Variants in DPP6 observed in about 807,000 individuals in gnomAD.
The protein encoded by DPP6 is A-type potassium channel modulatory protein DPP6.
DPP6 carries 69 observed loss-of-function variants against 122.6 expected under a neutral mutation model. The ratio of observed to expected loss-of-function variants is 0.56; its 90% CI spans 0.46 to 0.69. The LOEUF (loss-of-function observed/expected upper bound fraction) is 0.69, where lower values mean the gene tolerates loss of function less well. Ranked by LOEUF, DPP6 falls within the 30% of genes least tolerant of loss-of-function variation. The pLI, the probability that DPP6 is intolerant of heterozygous loss-of-function variation, is 0.00. For missense variants in DPP6, 928 were observed against 1,116.9 expected (o/e 0.83, Z 2.41); for synonymous variants, 418 against 433.1 (o/e 0.97, Z 0.43).
At chr7:154,427,264 T>C (rs1435706438) in intron 1 of DPP6, among the ~76,000 whole-genome samples, 1 of 152,238 alleles carries the variant, frequency 6.6e-6, no homozygotes, top group Non-Finnish European at 1.5e-5. Flanking sequence ...CAAAATAGTT[T>C]TGAAAAAGCT....
chr7:153,955,949 A>C (rs1157265818), intron 1 of DPP6, among the ~76,000 whole-genome samples: 1 of 152,182 alleles, frequency 6.6e-6, no homozygotes, highest in Non-Finnish European at 1.5e-5. Flanking sequence ...GGAGTGACAG[A>C]TGTGGCCCTT....
chr7:154,546,783 A>T (rs1829233312), intron 4 of DPP6, among the ~76,000 whole-genome samples: 1 of 152,236 alleles, frequency 6.6e-6, no homozygotes, highest in Admixed American at 6.5e-5. Context: ...AGAACAAATA[A>T]TAGGCCTGTT....
rs1554564239 is a variant in DPP6 at position 154,481,346 on chromosome 7, G to GGT, written c.457+6336_457+6337dup. On this transcript the variant is annotated intron_variant, in intron 3 of 25. Coordinates refer to ENST00000377770, the MANE Select transcript of DPP6 (RefSeq NM_130797.4). This position sits in a 1 kb window ranked among gnomAD's most constrained non-coding sequence, Gnocchi z 4.2. ...ATACACTTGGAGAGAGAGAGAGAGG[G>GGT]GTGTGTGTGTGTGTGTGTGTGTGTG... Among the ~76,000 whole-genome samples, 355 of 148,042 alleles carry GGT rather than the reference G, an allele frequency of 2.4e-3. 8 individuals carry two copies. The highest frequency in any genetic ancestry group is 0.023 in the Admixed American group (334 of 14,718).
chr7:154,883,373 A>G (rs1324934017), intron 21 of DPP6, among the ~76,000 whole-genome samples: 3 of 102,118 alleles, frequency 2.9e-5, no homozygotes, highest in African/African-American at 8.0e-5. Flanking sequence ...CACACACACG[A>G]TTACATACAC....
At chr7:154,786,102 T>G (rs1350356190) in intron 10 of DPP6, among the ~76,000 whole-genome samples, 1 of 152,194 alleles carries the variant, frequency 6.6e-6, no homozygotes, top group Non-Finnish European at 1.5e-5. Context: ...ATCTCATAGA[T>G]CACGTGATTT....
At chr7:154,204,786 T>C (rs1365556753) in intron 1 of DPP6, among the ~76,000 whole-genome samples, 2 of 151,802 alleles carry the variant, frequency 1.3e-5, no homozygotes, top group African/African-American at 2.4e-5. Flanking sequence ...GATGACCTTG[T>C]GTGTGTGTGT....
At chr7:154,714,591 C>T (rs1207543826) in intron 7 of DPP6, among the ~76,000 whole-genome samples, 1 of 152,158 alleles carries the variant, frequency 6.6e-6, no homozygotes, top group Non-Finnish European at 1.5e-5. Flanking sequence ...TGAGAACTAA[C>T]TCACTATCAT....
chr7:153,770,820 A>T, the DPP6 span, among the ~76,000 whole-genome samples: 3 of 152,248 alleles, frequency 2.0e-5, no homozygotes, highest in African/African-American at 7.2e-5. Context: ...AAAAATGAAT[A>T]TAAATGTGGA....
intron 5 of DPP6, among the ~76,000 whole-genome samples, chr7:154,621,676 T>C (rs779200319): frequency 4.6e-5 from 7 of 152,188 alleles, no homozygotes; most frequent in Non-Finnish European, 8.8e-5. Context: ...CTCTAATTTT[T>C]AAGGTTTTAA....
intron 1 of DPP6, among the ~76,000 whole-genome samples, chr7:154,115,788 C>T (rs181113171): frequency 6.6e-6 from 1 of 152,298 alleles, no homozygotes; most frequent in East Asian, 1.9e-4. Context: ...TACAAACTTA[C>T]AGAAGTTATT....
intron 1 of DPP6, among the ~76,000 whole-genome samples, chr7:154,348,630 C>G (rs2151074949): frequency 6.6e-6 from 1 of 152,240 alleles, no homozygotes; most frequent in East Asian, 1.9e-4. Flanking sequence ...ACTTTTGGGT[C>G]AGGTTCTGTT....
intron 3 of DPP6, among the ~76,000 whole-genome samples, chr7:154,484,680 C>T (rs1823633190): frequency 1.3e-5 from 2 of 152,266 alleles, no homozygotes; most frequent in Admixed American, 1.3e-4. Context: ...TGGCTGGCAC[C>T]AGCATCTCTC....
rs1279040668 is a variant in DPP6 at position 154,877,431 on chromosome 7, ACC to A, written c.2078+1332_2078+1333del. ...CACACACACACACACACACACACAC[ACC>A]TCTCAAATAAGGAACTATATTGGCT... On this transcript the variant is annotated intron_variant, in intron 20 of 25. Transcript: ENST00000377770. This position sits in a 1 kb window ranked among gnomAD's most constrained non-coding sequence, Gnocchi z 5.2. Among the ~76,000 whole-genome samples the A allele has an allele frequency of 6.7e-6, 1 of 148,624 alleles. No homozygotes were observed. Among genetic ancestry groups the A allele is most frequent in the Non-Finnish European group, 1.5e-5 (1 of 67,684 alleles).
In DPP6 at chr7:154,568,940, G is replaced by A. The variant is rs1427635221; in HGVS notation, c.627+2024G>A. ...AGCACTGAGCAGTTACTGTATACAT[G>A]ACTATTCAAGCAAGTATTCTCTGTT... On this transcript the variant is annotated intron_variant, in intron 5 of 25. Transcript: ENST00000377770. Among the ~76,000 whole-genome samples, 4 of 152,132 alleles carry A rather than the reference G, an allele frequency of 2.6e-5. No homozygotes were observed. In the East Asian group the frequency reaches 7.7e-4, roughly 29 times the overall value.
chr7:153,777,460 G>C, the DPP6 span, among the ~76,000 whole-genome samples: 1 of 133,492 alleles, frequency 7.5e-6, no homozygotes, highest in African/African-American at 2.9e-5. Context: ...AGGTTCATTT[G>C]TAAGCATCAA....
At chr7:153,932,066 ATCT>A (rs1169268847) in intron 1 of DPP6, among the ~76,000 whole-genome samples, 1 of 151,502 alleles carries the variant, frequency 6.6e-6, no homozygotes, top group African/African-American at 2.4e-5. Flanking sequence ...GTGAGAGTAA[ATCT>A]TCTATCTTAT....
chr7:154,396,650 G>C (rs760780118), intron 1 of DPP6, among the ~76,000 whole-genome samples: 1 of 152,198 alleles, frequency 6.6e-6, no homozygotes, highest in Non-Finnish European at 1.5e-5. Context: ...GAGTTATTAC[G>C]TGTTAGAGCA....
chr7:153,803,356 A>G, the DPP6 span, among the ~76,000 whole-genome samples: 1 of 150,988 alleles, frequency 6.6e-6, no homozygotes, highest in Non-Finnish European at 1.5e-5. Context: ...GGACTCAGTA[A>G]AGCAGAGAGC....
At chr7:154,043,486 G>A (rs1373896662) in intron 1 of DPP6, among the ~76,000 whole-genome samples, 1 of 135,382 alleles carries the variant, frequency 7.4e-6, no homozygotes, top group African/African-American at 2.8e-5. Context: ...TATACCACCC[G>A]AGGATCAGTA....
Sources: allele counts gnomAD v4.1 joint callset (sites outside exome capture counted in the v4.1 genomes callset), GRCh38; gene constraint gnomAD v4.1.1; non-coding constraint Gnocchi (gnomAD v3.1); transcripts MANE v1.5; gene names NCBI Gene and HGNC (gene_info 2026-07-23, HGNC 2026-07-21).